Variants in TRIM29 observed in about 807,000 individuals in gnomAD.
TRIM29 encodes tripartite motif containing 29.
In TRIM29, 52 loss-of-function variants were observed where a neutral mutation model predicts 57.3. That is an observed-to-expected ratio of 0.91 (90% CI 0.73 to 1.14). TRIM29 has a LOEUF of 1.14. Ranked by LOEUF, TRIM29 falls within the 50% of genes most tolerant of loss-of-function variation. The pLI, the probability that TRIM29 is intolerant of heterozygous loss-of-function variation, is 0.00. For missense variants in TRIM29, 753 were observed against 774.6 expected, an observed-to-expected ratio of 0.97 and a Z score of 0.33; for synonymous variants, 319 against 316.9, an observed-to-expected ratio of 1.01 and a Z score of -0.07.
intron 8 of TRIM29, among the ~76,000 whole-genome samples, chr11:120,114,791 A>G (rs77649378): frequency 0.014 from 2,085 of 152,200 alleles, 83 homozygotes; most frequent in East Asian, 0.12. Flanking sequence ...CTGGACCCCA[A>G]AGCCATGCTT....
chr11:120,112,201 G>A lies in TRIM29; in HGVS notation c.*213C>T. 1.9e-6 allele frequency: 1 copy of A among 538,598 alleles called. No homozygotes were observed. The highest frequency in any genetic ancestry group is 3.4e-5 in the East Asian group (1 of 29,098). The allele number at this position is 538,598 out of a possible 1,614,324, so 33.4% of individuals were successfully genotyped here. A position where few individuals can be genotyped will look rare whatever the true frequency, so the allele number is the denominator to read the frequency against. On this transcript the variant is annotated 3_prime_UTR_variant, in exon 9 of 9. Coordinates refer to ENST00000341846, the MANE Select transcript of TRIM29 (RefSeq NM_012101.4). Reference sequence around the variant, plus strand: ...ACAGGAATGATGGTGACCATCTGAGGTCACAAGGCAGGAAAGGAGTCTGAA... The same window carrying A: ...ACAGGAATGATGGTGACCATCTGAGATCACAAGGCAGGAAAGGAGTCTGAA...
intron 8 of TRIM29, among the ~76,000 whole-genome samples, chr11:120,114,521 C>T (rs1425752519): frequency 5.3e-5 from 8 of 152,250 alleles, no homozygotes; most frequent in Admixed American, 4.6e-4. Flanking sequence ...TCCAGCAGAG[C>T]TCCTGATGCC....
chr11:120,119,138 T>C (rs990855990), intron 6 of TRIM29, among the ~76,000 whole-genome samples: 4 of 152,184 alleles, frequency 2.6e-5, no homozygotes, highest in Admixed American at 6.5e-5. Context: ...CACATGCCTA[T>C]GTGCAGACAT....
At chr11:120,135,396 C>CT (rs1863797828) in intron 1 of TRIM29, among the ~76,000 whole-genome samples, 1 of 152,116 alleles carries the variant, frequency 6.6e-6, no homozygotes, top group South Asian at 2.1e-4. Context: ...GAGAATGAGA[C>CT]TGAGCGTGGA....
At chr11:120,134,092 G>T (rs1863770670) in intron 1 of TRIM29, among the ~76,000 whole-genome samples, 1 of 152,180 alleles carries the variant, frequency 6.6e-6, no homozygotes, top group Admixed American at 6.5e-5. Context: ...AACCTAGCCT[G>T]GGAAGTGTTC....
At chr11:120,118,703 T>G (rs1754737195) in intron 6 of TRIM29, 1 of 191,488 alleles carries the variant, frequency 5.2e-6, no homozygotes, top group South Asian at 9.9e-5. Flanking sequence ...CCTCAGTGTC[T>G]GAGACACTCC....
At position 120,137,584 on chromosome 11, in the gene TRIM29, G is replaced by T. The variant is rs138412992; in HGVS notation, c.448C>A (p.Arg150=). 33 of 1,612,614 alleles carry T rather than the reference G, an allele frequency of 2.0e-5. No homozygotes were observed. Among genetic ancestry groups the T allele is most frequent in the Non-Finnish European group, 2.6e-5 (31 of 1,179,996 alleles). ...GTGTCGGCCCGGGGGTAGCTGTTCC[G>T]CCGGGTCTCCCCGGGCTCCATGATG... ...VSIMEPGETR[R]NSYPRADTGL... Residue 150 remains arginine (R), a synonymous_variant, in exon 1 of 9, where the codon CGG becomes AGG. Transcript: ENST00000341846. The surrounding 1 kb of genome is among the most constrained non-coding windows in gnomAD (Gnocchi z 6.2).
chr11:120,126,157 T>G (rs938540337), intron 3 of TRIM29: 1 of 436,944 alleles, frequency 2.3e-6, no homozygotes, highest in Admixed American at 3.8e-5. Context: ...ATAGGGTTTA[T>G]GAGAGGGACA....
chr11:120,120,426 A>G (rs1160900659), intron 6 of TRIM29, 147 bp downstream of exon 6: 1 of 691,352 alleles, frequency 1.4e-6, no homozygotes, highest in African/African-American at 1.8e-5. Context: ...CTCCCTACCC[A>G]TGCCTGGACC....
intron 2 of TRIM29, 46 bp downstream of exon 2, chr11:120,128,354 C>T (rs778798764): frequency 3.2e-6 from 5 of 1,578,730 alleles, no homozygotes; most frequent in African/African-American, 2.7e-5. Flanking sequence ...TCCAGGCAGG[C>T]CAGGTCGGGT....
chr11:120,125,519 G>A, intron 4 of TRIM29, 172 bp downstream of exon 4: 9 of 657,582 alleles, frequency 1.4e-5, no homozygotes, highest in Non-Finnish European at 2.1e-5. Flanking sequence ...TTCAAAGGAG[G>A]AGGAGGGTTA....
intron 8 of TRIM29, among the ~76,000 whole-genome samples, chr11:120,114,433 G>A (rs1226236127): frequency 1.3e-5 from 2 of 152,180 alleles, no homozygotes; most frequent in African/African-American, 4.8e-5. Flanking sequence ...GCCATTCTTT[G>A]TGGTCCAGGG....
Position 120,137,267 on chromosome 11 carries a change from A to G in TRIM29, c.765T>C (p.His255=), listed in dbSNP as rs1296103861. The stretch of plus-strand genomic sequence containing the variant: ...TGGCCTCCTCCACTGTCACGGTGCT[A>G]TGATTCTTGTGCTCCTGGAACATGC... ...YLCMFQEHKN[H]STVTVEEAKA... Residue 255 remains histidine (H), a synonymous_variant, in exon 1 of 9, where the codon CAT becomes CAC. Transcript: ENST00000341846. This position sits in a 1 kb window ranked among gnomAD's most constrained non-coding sequence, Gnocchi z 6.2. 3.1e-6 allele frequency: 5 copies of G among 1,614,022 alleles called. No individual in the cohort carries two copies. The African/African-American group carries it at 5.3e-5, about 17-fold the overall frequency.
At chr11:120,131,994 GCCTGAGTTCTCA>G (rs1356662379) in intron 1 of TRIM29, among the ~76,000 whole-genome samples, 1 of 151,144 alleles carries the variant, frequency 6.6e-6, no homozygotes, top group Non-Finnish European at 1.5e-5. Flanking sequence ...TACACAGCTT[GCCTGAGTTCTCA>G]CAGTTGGAAA....
At chr11:120,136,445 T>C (rs1863813676) in intron 1 of TRIM29, among the ~76,000 whole-genome samples, 1 of 152,220 alleles carries the variant, frequency 6.6e-6, no homozygotes, top group Non-Finnish European at 1.5e-5. Context: ...CAAACCATCC[T>C]AAGTCAGGGA....
Position 120,118,270 on chromosome 11 carries a change from T to C in TRIM29, c.1580A>G (p.Asp527Gly), listed in dbSNP as rs763840291. The C allele has an allele frequency of 1.2e-6, 2 of 1,614,022 alleles. No individual in the cohort carries two copies. Among genetic ancestry groups the C allele is most frequent in the Middle Eastern group, 1.6e-4 (1 of 6,062 alleles). Reference sequence around the variant, plus strand: ...GCCTTGGACGACGGGCAGGTCATTGTCAGAGTTCTGAATGCTGGAGGAGTA... The same window carrying C: ...GCCTTGGACGACGGGCAGGTCATTGCCAGAGTTCTGAATGCTGGAGGAGTA... ...WEYSSSIQNS[D>G]NDLPVVQGSS... Residue 527 changes from aspartate (D) to glycine (G), a missense_variant, in exon 7 of 9, where the codon GAC becomes GGC. Transcript: ENST00000341846.
At chr11:120,124,594 C>T (rs532568160) in intron 4 of TRIM29, 4 of 152,326 alleles carry the variant, frequency 2.6e-5, no homozygotes, top group African/African-American at 7.2e-5. Flanking sequence ...TGCCCGGCAT[C>T]GAGCGAGCAC....
chr11:120,116,719 C>T (rs1259682263), intron 7 of TRIM29: 2 of 160,006 alleles, frequency 1.2e-5, no homozygotes, highest in Non-Finnish European at 2.7e-5. Flanking sequence ...CCATGCCAGC[C>T]ATGAGAGAGG....
rs772677911 is a variant in TRIM29 at position 120,115,454 on chromosome 11, G to A, written c.1628-40C>T. 3.2e-6 allele frequency: 5 copies of A among 1,575,206 alleles called. No individual in the cohort carries two copies. In the Admixed American group the frequency reaches 6.8e-5, roughly 22 times the overall value. On this transcript the variant is annotated intron_variant, in intron 7 of 8. Transcript: ENST00000341846. ...GATTCAGGTCAAAGGGAGCAGCGCT[G>A]GTGGTCAGGGGTGCCCGGGCCCAGA...
Sources: gnomAD v4.1 joint callset for allele counts (sites outside exome capture counted in the v4.1 genomes callset) on GRCh38, gnomAD v4.1.1 for gene constraint, Gnocchi (gnomAD v3.1) non-coding constraint, MANE v1.5 for transcripts, NCBI Gene and HGNC (gene_info 2026-07-23, HGNC 2026-07-21) for gene names.